CTNNA2: variants seen among roughly 807,000 people sequenced by gnomAD.
The protein encoded by CTNNA2 is catenin alpha-2.
CTNNA2 carries 42 observed loss-of-function variants against 101.0 expected under a neutral mutation model. The ratio of observed to expected loss-of-function variants is 0.42; its 90% CI spans 0.32 to 0.54. CTNNA2 has a LOEUF of 0.54. Among genes scored for constraint, CTNNA2 ranks in the 20% least tolerant of loss-of-function variants. CTNNA2 has a pLI of 0.14. For synonymous variants in CTNNA2, 450 were observed against 456.4 expected (o/e 0.99, Z 0.18); for missense variants, 871 against 1,223.1 (o/e 0.71, Z 4.29).
chr2:80,637,407 T>TA (rs1192508239), intron 18 of CTNNA2, among the ~76,000 whole-genome samples: 1 of 152,144 alleles, frequency 6.6e-6, no homozygotes, highest in Non-Finnish European at 1.5e-5. Context: ...ACTCAGGCTT[T>TA]AAGTCTAGAG....
At chr2:80,415,210 T>C (rs1376627993) in intron 8 of CTNNA2, among the ~76,000 whole-genome samples, 1 of 152,154 alleles carries the variant, frequency 6.6e-6, no homozygotes, top group Non-Finnish European at 1.5e-5. Context: ...CTAATTTAAT[T>C]GGGAGGCAGG....
At chr2:79,550,305 G>T (rs1674016454) in intron 1 of CTNNA2, among the ~76,000 whole-genome samples, 1 of 152,158 alleles carries the variant, frequency 6.6e-6, no homozygotes, top group Non-Finnish European at 1.5e-5. Flanking sequence ...TTTAAATTGA[G>T]CAGTCACTGG....
chr2:80,303,627 A>C lies in CTNNA2; in HGVS notation c.1057-89584A>C. The C allele has an allele frequency of 6.2e-7, 1 of 1,613,982 alleles. No individual in the cohort carries two copies. The highest frequency in any genetic ancestry group is 8.5e-7 in the Non-Finnish European group (1 of 1,179,956). Reference sequence around the variant, plus strand: ...CGCAGGGACAAGCCCAGCAGGCCGGACAGGTTGTGGGGCGCCTCGGTGAGG... The same window carrying C: ...CGCAGGGACAAGCCCAGCAGGCCGGCCAGGTTGTGGGGCGCCTCGGTGAGG... On this transcript the variant is annotated intron_variant, in intron 7 of 18. Transcript: ENST00000402739. This position sits in a 1 kb window ranked among gnomAD's most constrained non-coding sequence, Gnocchi z 7.7.
At chr2:79,765,727 T>G (rs1024035321) in intron 3 of CTNNA2, among the ~76,000 whole-genome samples, 2 of 152,194 alleles carry the variant, frequency 1.3e-5, no homozygotes, top group Non-Finnish European at 2.9e-5. Context: ...AAGATAAAGT[T>G]AAAGGCTACC....
At chr2:79,450,661 T>C (rs922719043) in intron 4 of CTNNA2, among the ~76,000 whole-genome samples, 40 of 152,064 alleles carry the variant, frequency 2.6e-4, no homozygotes, top group Non-Finnish European at 8.8e-5. Flanking sequence ...AAACTTCAAC[T>C]TCAAGGCAAG....
At chr2:80,085,358 T>G (rs1311296418) in intron 7 of CTNNA2, among the ~76,000 whole-genome samples, 5 of 152,092 alleles carry the variant, frequency 3.3e-5, no homozygotes, top group African/African-American at 1.2e-4. Context: ...CACATTGTGT[T>G]AGCCAAAGCA....
intron 5 of CTNNA2, among the ~76,000 whole-genome samples, chr2:79,871,275 A>G (rs189669202): frequency 7.8e-4 from 119 of 152,370 alleles, no homozygotes; most frequent in Admixed American, 1.9e-3. Context: ...GCCAGTCCTC[A>G]GTGAGACAGG....
At chr2:79,966,999 T>A (rs1690113926) in intron 7 of CTNNA2, among the ~76,000 whole-genome samples, 1 of 152,022 alleles carries the variant, frequency 6.6e-6, no homozygotes, top group South Asian at 2.1e-4. Context: ...CTTTAGCAGG[T>A]CCTGTCTATT....
chr2:79,210,088 T>TTGTGTGTGTGTGTG (rs59836500), intron 2 of CTNNA2, among the ~76,000 whole-genome samples: 9 of 144,788 alleles, frequency 6.2e-5, no homozygotes, highest in Admixed American at 1.4e-4. Context: ...TCAAGCTATA[T>TTGTGTGTGTGTGTG]TGTGTGTGTG....
chr2:79,679,557 G>A (rs902311838), intron 2 of CTNNA2, among the ~76,000 whole-genome samples: 2 of 151,790 alleles, frequency 1.3e-5, no homozygotes, highest in South Asian at 4.2e-4. Context: ...GCTGTAAACC[G>A]CCCCATGCTG....
chr2:80,240,203 C>T (rs1182333235), intron 7 of CTNNA2, among the ~76,000 whole-genome samples: 1 of 152,154 alleles, frequency 6.6e-6, no homozygotes, highest in East Asian at 1.9e-4. Flanking sequence ...GAAGGATGAA[C>T]AAAGTCCCTG....
At chr2:79,222,244 T>G (rs2104223037) in intron 2 of CTNNA2, among the ~76,000 whole-genome samples, 1 of 152,326 alleles carries the variant, frequency 6.6e-6, no homozygotes, top group African/African-American at 2.4e-5. Context: ...GACATTAATA[T>G]TAGCCATGAA....
At chr2:79,437,651 G>A (rs1210123991) in intron 4 of CTNNA2, among the ~76,000 whole-genome samples, 1 of 152,176 alleles carries the variant, frequency 6.6e-6, no homozygotes, top group African/African-American at 2.4e-5. Context: ...ACATAACCGT[G>A]TGTCACTATT....
chr2:80,097,085 C>T (rs192108802), intron 7 of CTNNA2, among the ~76,000 whole-genome samples: 56 of 152,272 alleles, frequency 3.7e-4, no homozygotes, highest in African/African-American at 1.3e-3. Context: ...TTAGTTGATG[C>T]AGTTTCTTCC....
At chr2:80,367,910 TG>T (rs35176878) in intron 7 of CTNNA2, among the ~76,000 whole-genome samples, 12,968 of 152,100 alleles carry the variant, frequency 0.085, 910 homozygotes, top group African/African-American at 0.2. Context: ...TAATTTCAGG[TG>T]GGATTGTGTT....
At chr2:79,413,345 A>G (rs898713266) in intron 4 of CTNNA2, among the ~76,000 whole-genome samples, 3 of 151,852 alleles carry the variant, frequency 2.0e-5, no homozygotes, top group Non-Finnish European at 4.4e-5. Context: ...ACTTAATGTA[A>G]TGTCCTCTAG....
intron 7 of CTNNA2, among the ~76,000 whole-genome samples, chr2:79,911,742 A>G (rs540287617): frequency 6.6e-6 from 1 of 152,358 alleles, no homozygotes; most frequent in South Asian, 2.1e-4. Flanking sequence ...TTCACATTGA[A>G]CCATCATGAT....
intron 7 of CTNNA2, among the ~76,000 whole-genome samples, chr2:80,243,304 T>C (rs935786345): frequency 3.9e-5 from 6 of 152,164 alleles, no homozygotes; most frequent in African/African-American, 1.4e-4. Flanking sequence ...ACTGCACATA[T>C]TTAAAATAAA....
chr2:80,255,668 C>A (rs902819886), intron 7 of CTNNA2, among the ~76,000 whole-genome samples: 2 of 152,184 alleles, frequency 1.3e-5, no homozygotes, highest in African/African-American at 4.8e-5. Context: ...AAAGATCCCA[C>A]ATTTCCCTGA....
Sources: gnomAD v4.1 joint callset for allele counts (sites outside exome capture counted in the v4.1 genomes callset) on GRCh38, gnomAD v4.1.1 for gene constraint, Gnocchi (gnomAD v3.1) non-coding constraint, MANE v1.5 for transcripts, NCBI Gene and HGNC (gene_info 2026-07-23, HGNC 2026-07-21) for gene names.